Variants in ALDH18A1 observed in about 807,000 individuals in gnomAD.
ALDH18A1 encodes delta-1-pyrroline-5-carboxylate synthase.
Under a neutral mutation model 88.8 loss-of-function variants are expected in ALDH18A1, and 44 were observed. The observed-to-expected ratio is 0.50, with a 90% CI of 0.39 to 0.64. The LOEUF (loss-of-function observed/expected upper bound fraction) is 0.64, where lower values mean the gene tolerates loss of function less well. Ranked by LOEUF, ALDH18A1 falls within the 30% of genes least tolerant of loss-of-function variation. The probability of loss-of-function intolerance (pLI) is 0.00; values close to 1 mark genes in which losing one functional copy is unlikely to be tolerated. For synonymous variants in ALDH18A1, 331 were observed against 372.1 expected (o/e 0.89, Z 1.27); for missense variants, 782 against 1,009.5 (o/e 0.77, Z 3.05).
In ALDH18A1 at chr10:95,606,919, G is replaced by C. The variant is rs762271422; in HGVS notation, c.2231C>G (p.Ser744Trp). The C allele has an allele frequency of 2.9e-5, 46 of 1,613,952 alleles. No homozygotes were observed. In the South Asian group the frequency reaches 4.8e-4, roughly 17 times the overall value. Residue 744 changes from serine to tryptophan, a missense_variant, in exon 18 of 18, where the codon TCG (serine) becomes TGG (tryptophan). This residue lies in a region of ALDH18A1 where 556 missense variants were observed against 654.5 expected (regional missense o/e 0.85). Coordinates refer to ENST00000371224, the MANE Select transcript of ALDH18A1 (RefSeq NM_002860.4). ...TACTGGTCCCCGGGCGTGGATTCTCGATGTACTGATTCCCACTTCAGCTCC... is the reference window on the plus strand; with the variant it reads ...TACTGGTCCCCGGGCGTGGATTCTCCATGTACTGATTCCCACTTCAGCTCC... ...GLGAEVGIST[S>W]RIHARGPVGL...
intron 12 of ALDH18A1, among the ~76,000 whole-genome samples, chr10:95,619,468 C>CA (rs2097848843): frequency 6.6e-6 from 1 of 152,168 alleles, no homozygotes; most frequent in Non-Finnish European, 1.5e-5. Flanking sequence ...AAAAAAGAGC[C>CA]CGCATTGCCA....
rs1185868272 is a variant in ALDH18A1 at position 95,616,596 on chromosome 10, C to T, written c.1486G>A (p.Ala496Thr). 2 of 1,607,016 alleles carry T rather than the reference C, an allele frequency of 1.2e-6. No homozygotes were observed. The highest frequency in any genetic ancestry group is 1.7e-6 in the Non-Finnish European group (2 of 1,176,896). ...TTGAGTAACAAGCCATTGCCACTTG[C>T]GATAGCCAAAGCTGCCACCTGCAGA... ...CLPQVAALAI[A>T]SGNGLLLKGG... Residue 496 changes from alanine to threonine, a missense_variant, in exon 13 of 18, where the codon GCA (alanine) becomes ACA (threonine). Physicochemically the swap from Ala to Thr is moderately conservative, Grantham distance 58. Coordinates refer to ENST00000371224, the MANE Select transcript of ALDH18A1 (RefSeq NM_002860.4).
At position 95,611,278 on chromosome 10, in the gene ALDH18A1, C is replaced by T. The variant is rs771292407; in HGVS notation, c.2088G>A (p.Thr696=). 16 of 1,613,974 alleles carry T rather than the reference C, an allele frequency of 9.9e-6. No individual in the cohort carries two copies. Among genetic ancestry groups the T allele is most frequent in the Admixed American group, 6.7e-5 (4 of 59,990 alleles). ...DHIHKYGSSH[T]DVIVTEDENT... Reference sequence around the variant, plus strand: ...GACCGTCCTCTGTGACGATGACATCCGTGTGGGAGCTGCCATACTTGTGGA... The same window carrying T: ...GACCGTCCTCTGTGACGATGACATCTGTGTGGGAGCTGCCATACTTGTGGA... Residue 696 remains threonine (T), a synonymous_variant, in exon 16 of 18, where the codon ACG becomes ACA. Transcript: ENST00000371224.
intron 12 of ALDH18A1, 62 bp downstream of exon 12, chr10:95,620,969 C>T: frequency 2.1e-6 from 3 of 1,455,324 alleles, no homozygotes; most frequent in Non-Finnish European, 1.9e-6. Context: ...ATATATTCTT[C>T]CTCCAATATC....
chr10:95,646,044 T>TCC (rs2097900795), intron 2 of ALDH18A1, among the ~76,000 whole-genome samples: 1 of 152,184 alleles, frequency 6.6e-6, no homozygotes, highest in Non-Finnish European at 1.5e-5. Context: ...ACAGGCTTAC[T>TCC]CCCCTAGGGT....
chr10:95,655,128 T>TTA (rs1411484751), intron 1 of ALDH18A1, among the ~76,000 whole-genome samples: 15 of 133,752 alleles, frequency 1.1e-4, no homozygotes, highest in African/African-American at 4.0e-4. Context: ...CCAATTTTTC[T>TTA]TTATTATTAT....
chr10:95,631,851 T>G (rs1487505123), intron 7 of ALDH18A1, among the ~76,000 whole-genome samples: 1 of 152,028 alleles, frequency 6.6e-6, no homozygotes, highest in African/African-American at 2.4e-5. Flanking sequence ...GGGCCTTACT[T>G]TGGAAAACAG....
intron 11 of ALDH18A1, among the ~76,000 whole-genome samples, chr10:95,624,590 T>C (rs1005676718): frequency 6.6e-6 from 1 of 152,012 alleles, no homozygotes; most frequent in Admixed American, 6.6e-5. Flanking sequence ...CCCCATAAAA[T>C]CAATCCCTAT....
At chr10:95,614,738 C>G (rs2097841471) in intron 13 of ALDH18A1, among the ~76,000 whole-genome samples, 1 of 152,126 alleles carries the variant, frequency 6.6e-6, no homozygotes, top group Non-Finnish European at 1.5e-5. Flanking sequence ...ATTTTGTTTT[C>G]TCTTGATTTT....
chr10:95,608,079 C>T (rs182074155), intron 17 of ALDH18A1, among the ~76,000 whole-genome samples: 3 of 152,332 alleles, frequency 2.0e-5, no homozygotes, highest in African/African-American at 7.2e-5. Context: ...GCTTGCGACA[C>T]ATTTAGCACA....
intron 15 of ALDH18A1, among the ~76,000 whole-genome samples, chr10:95,613,376 C>T (rs958068089): frequency 7.9e-5 from 12 of 152,174 alleles, no homozygotes; most frequent in Middle Eastern, 3.2e-3. Flanking sequence ...TGGTTTGAAA[C>T]GTTTCTGCAC....
chr10:95,619,992 T>C (rs1432779669), intron 12 of ALDH18A1, among the ~76,000 whole-genome samples: 1 of 151,854 alleles, frequency 6.6e-6, no homozygotes, highest in Non-Finnish European at 1.5e-5. Flanking sequence ...ACCATGAGAG[T>C]GAACAGGCAA....
At chr10:95,616,248 T>C (rs1341011340) in intron 13 of ALDH18A1, among the ~76,000 whole-genome samples, 1 of 152,182 alleles carries the variant, frequency 6.6e-6, no homozygotes. Context: ...GACATTCTTG[T>C]AAATAAATAG....
chr10:95,619,998 G>C (rs796237612), intron 12 of ALDH18A1, among the ~76,000 whole-genome samples: 9 of 152,160 alleles, frequency 5.9e-5, no homozygotes, highest in African/African-American at 2.2e-4. Flanking sequence ...AGAGTGAACA[G>C]GCAACCTACA....
chr10:95,635,884 T>C (rs1286676959), intron 5 of ALDH18A1, among the ~76,000 whole-genome samples: 1 of 152,204 alleles, frequency 6.6e-6, no homozygotes, highest in African/African-American at 2.4e-5. Context: ...CTTCCTCACC[T>C]GGCTCCAGGC....
In ALDH18A1 at chr10:95,643,296, A is replaced by T. The variant is rs555718519; in HGVS notation, c.89-90T>A. 7 of 1,295,552 alleles carry T rather than the reference A, an allele frequency of 5.4e-6. No individual in the cohort carries two copies. The Admixed American group carries it at 9.3e-5, about 17-fold the overall frequency. 80.3% of individuals were successfully genotyped at this position (1,295,552 alleles called of 1,614,324 possible). ...ATACATGCTCAGTATTAACCAGTTTAGATACCAAAAAATAGCATTATCATT... is the reference window on the plus strand; with the variant it reads ...ATACATGCTCAGTATTAACCAGTTTTGATACCAAAAAATAGCATTATCATT... On this transcript the variant is annotated intron_variant, in intron 2 of 17. Transcript: ENST00000371224.
At chr10:95,613,185 A>C (rs1046551497) in intron 15 of ALDH18A1, among the ~76,000 whole-genome samples, 2 of 152,276 alleles carry the variant, frequency 1.3e-5, no homozygotes, top group African/African-American at 4.8e-5. Context: ...TTTAGGACAC[A>C]GCACAACTTT....
chr10:95,635,574 T>A (rs2097879048), intron 5 of ALDH18A1, among the ~76,000 whole-genome samples: 1 of 152,164 alleles, frequency 6.6e-6, no homozygotes, highest in Non-Finnish European at 1.5e-5. Flanking sequence ...CTATATAGGA[T>A]TACTGAAGAA....
rs1171815972 is a variant in ALDH18A1 at position 95,630,470 on chromosome 10, T to C, written c.809-1978A>G. Reference sequence around the variant, plus strand: ...GCTCATGCCTGTAATCCCAGTGCTTTGGGAGGCCAAGGCAGGAGGATCACG... The same window carrying C: ...GCTCATGCCTGTAATCCCAGTGCTTCGGGAGGCCAAGGCAGGAGGATCACG... On this transcript the variant is annotated intron_variant, in intron 7 of 17. Transcript: ENST00000371224. Among the ~76,000 whole-genome samples the C allele has an allele frequency of 3.3e-5, 5 of 152,196 alleles. No individual in the cohort carries two copies. In the South Asian group the frequency reaches 8.3e-4, roughly 25 times the overall value.
Sources: gnomAD v4.1 joint callset for allele counts (sites outside exome capture counted in the v4.1 genomes callset) on GRCh38, gnomAD v4.1.1 for gene constraint, gnomAD v4.1.1 regional missense constraint, MANE v1.5 for transcripts, NCBI Gene and HGNC (gene_info 2026-07-23, HGNC 2026-07-21) for gene names.